Variants in GLDN observed in about 807,000 individuals in gnomAD.
GLDN encodes gliomedin.
GLDN carries 47 observed loss-of-function variants against 56.5 expected under a neutral mutation model. That is an observed-to-expected ratio of 0.83 (90% CI 0.66 to 1.06). The LOEUF is 1.06. GLDN is among the 50% of genes least tolerant of loss of function. The pLI, the probability that GLDN is intolerant of heterozygous loss-of-function variation, is 0.00. For missense variants in GLDN, 782 were observed against 714.3 expected (o/e 1.09, Z -1.08); for synonymous variants, 332 against 278.8 (o/e 1.19, Z -1.90).
At position 51,397,567 on chromosome 15, in the gene GLDN, G is replaced by T. The variant is rs2038161813; in HGVS notation, c.786G>T (p.Arg262=). 4 of 1,601,452 alleles carry T rather than the reference G, an allele frequency of 2.5e-6. No individual in the cohort carries two copies. The highest frequency in any genetic ancestry group is 2.2e-5 in the South Asian group (2 of 89,200). Residue 262 remains arginine, a synonymous_variant, in exon 6 of 10, where the codon CGG becomes CGT. Coordinates refer to ENST00000335449, the MANE Select transcript of GLDN (RefSeq NM_181789.4). ...PPGSRRAKGP[R]QPSMFNGQCP... Reference sequence around the variant, plus strand: ...GAAGCAGAAGAGCCAAAGGCCCTCGGCAGCCAAGCATGTTCAACGGCCAGT... The same window carrying T: ...GAAGCAGAAGAGCCAAAGGCCCTCGTCAGCCAAGCATGTTCAACGGCCAGT...
intron 4 of GLDN, among the ~76,000 whole-genome samples, chr15:51,393,164 C>A (rs924816082): frequency 1.3e-5 from 2 of 152,120 alleles, no homozygotes; most frequent in African/African-American, 4.8e-5. Flanking sequence ...TTTTCTATAT[C>A]ATTGAGATGA....
At chr15:51,361,698 G>A (rs1236264145) in intron 1 of GLDN, among the ~76,000 whole-genome samples, 1 of 152,178 alleles carries the variant, frequency 6.6e-6, no homozygotes, top group East Asian at 1.9e-4. Flanking sequence ...TTATGTTCTG[G>A]CAGGGAGGAG....
intron 2 of GLDN, among the ~76,000 whole-genome samples, chr15:51,381,343 C>T (rs1383122015): frequency 1.3e-5 from 2 of 152,122 alleles, no homozygotes; most frequent in Non-Finnish European, 2.9e-5. Context: ...TCTGTCGTCG[C>T]GAACGATGAT....
intron 5 of GLDN, among the ~76,000 whole-genome samples, chr15:51,396,025 G>A (rs1031682996): frequency 6.6e-6 from 1 of 152,134 alleles, no homozygotes; most frequent in Middle Eastern, 3.2e-3. Context: ...TGAGGGCTCT[G>A]CCTCCATGAT....
rs74016730 is a variant in GLDN, at chr15:51,363,786, C to T, written c.364-13663C>T. 3.2e-3 allele frequency among the ~76,000 whole-genome samples: 482 copies of T among 152,326 alleles called. 1 individual carries two copies. Among genetic ancestry groups the T allele is most frequent in the African/African-American group, 0.011 (457 of 41,578 alleles). On this transcript the variant is annotated intron_variant, in intron 1 of 9. Coordinates refer to ENST00000335449, the MANE Select transcript of GLDN (RefSeq NM_181789.4). ...TTGAAGAGCAGGTGGTTCATTTTAG[C>T]TTGAGCACGATACAGGTAGATGCAA...
rs1198282482 is a variant in GLDN, at chr15:51,407,148, C to T, written c.*2394C>T. 6.6e-6 allele frequency: 1 copy of T among 151,616 alleles called. No homozygotes were observed. Among genetic ancestry groups the T allele is most frequent in the African/African-American group, 2.4e-5 (1 of 41,238 alleles). 9.4% of individuals were successfully genotyped at this position (151,616 alleles called of 1,614,324 possible). ...ACCACTGGAGAAGCTTACACCGGGA[C>T]TTTTTTTCTTTTTTCTTTTTTTTTT... is the stretch of plus-strand genomic sequence containing the variant. On this transcript the variant is annotated 3_prime_UTR_variant, in exon 10 of 10. Transcript: ENST00000335449.
In GLDN at chr15:51,401,568, C is replaced by T. The variant is rs1194804759; in HGVS notation, c.1028-25C>T. 1.0e-5 allele frequency: 16 copies of T among 1,601,676 alleles called. No homozygotes were observed. The Admixed American group carries it at 2.7e-4, about 27-fold the overall frequency. ...TGTGATTGCTGGAGGTAGGTAACAGCCTCTCCCTGGCTTCCCTCCTACAGG... is the reference window on the plus strand; with the variant it reads ...TGTGATTGCTGGAGGTAGGTAACAGTCTCTCCCTGGCTTCCCTCCTACAGG... On this transcript the variant is annotated intron_variant, in intron 8 of 9. Coordinates refer to ENST00000335449, the MANE Select transcript of GLDN (RefSeq NM_181789.4).
At chr15:51,362,193 A>C (rs556352659) in intron 1 of GLDN, among the ~76,000 whole-genome samples, 1 of 152,282 alleles carries the variant, frequency 6.6e-6, no homozygotes, top group East Asian at 1.9e-4. Context: ...GTAATAACAA[A>C]GGAGGTCAGG....
chr15:51,376,716 T>G (rs947805173), intron 1 of GLDN, among the ~76,000 whole-genome samples: 1 of 152,196 alleles, frequency 6.6e-6, no homozygotes, highest in Non-Finnish European at 1.5e-5. Context: ...AAATTTGGTG[T>G]TTTTTGTTTG....
chr15:51,372,607 G>A (rs1252401778), intron 1 of GLDN, among the ~76,000 whole-genome samples: 2 of 152,068 alleles, frequency 1.3e-5, no homozygotes, highest in African/African-American at 4.8e-5. Flanking sequence ...TTTTTCCTGT[G>A]CTTCACCCAC....
At position 51,401,574 on chromosome 15, in the gene GLDN, C is replaced by T. The variant is rs765800956; in HGVS notation, c.1028-19C>T. The stretch of plus-strand genomic sequence containing the variant: ...TGCTGGAGGTAGGTAACAGCCTCTC[C>T]CTGGCTTCCCTCCTACAGGCATCAT... On this transcript the variant is annotated intron_variant, in intron 8 of 9. Transcript: ENST00000335449. The T allele has an allele frequency of 6.2e-7, 1 of 1,606,088 alleles. No homozygotes were observed. Among genetic ancestry groups the T allele is most frequent in the South Asian group, 1.1e-5 (1 of 89,254 alleles).
chr15:51,382,690 C>T (rs947060598), intron 2 of GLDN, among the ~76,000 whole-genome samples: 4 of 149,088 alleles, frequency 2.7e-5, no homozygotes, highest in Non-Finnish European at 5.9e-5. Flanking sequence ...GGTGCCACTG[C>T]ACTCCAGCCT....
chr15:51,363,771 G>C (rs886746110), intron 1 of GLDN, among the ~76,000 whole-genome samples: 7 of 152,234 alleles, frequency 4.6e-5, no homozygotes, highest in Admixed American at 2.0e-4. Flanking sequence ...TTGAAGAGCA[G>C]GTGGTTCATT....
intron 1 of GLDN, among the ~76,000 whole-genome samples, chr15:51,347,843 C>T (rs951027848): frequency 6.6e-6 from 1 of 152,100 alleles, no homozygotes; most frequent in Admixed American, 6.5e-5. Context: ...CACTGGAATA[C>T]TAAGTAGCTG....
Position 51,401,707 on chromosome 15 carries a change from T to G in GLDN, c.1142T>G (p.Leu381Arg). 6.2e-7 allele frequency: 1 copy of G among 1,614,186 alleles called. No homozygotes were observed. The highest frequency in any genetic ancestry group is 8.5e-7 in the Non-Finnish European group (1 of 1,179,990). The stretch of plus-strand genomic sequence containing the variant: ...GGGCACGTTGTTTACAACAACTCTC[T>G]CTACTACCACAAAGGGGGTTCTAAT... ...GCGHVVYNNS[L>R]YYHKGGSNTL... Residue 381 changes from leucine (L) to arginine (R), a missense_variant, in exon 9 of 10, where the codon CTC becomes CGC. Coordinates refer to ENST00000335449, the MANE Select transcript of GLDN (RefSeq NM_181789.4).
At chr15:51,388,922 G>A (rs1262355410) in intron 4 of GLDN, among the ~76,000 whole-genome samples, 1 of 152,350 alleles carries the variant, frequency 6.6e-6, no homozygotes, top group East Asian at 1.9e-4. Flanking sequence ...GGGAGGGCTG[G>A]GAGGGTTCCA....
chr15:51,397,874 C>T (rs112982237), intron 6 of GLDN, among the ~76,000 whole-genome samples: 4 of 152,230 alleles, frequency 2.6e-5, no homozygotes, highest in Non-Finnish European at 5.9e-5. Flanking sequence ...TTGCTCTGTC[C>T]GCCATCCCTC....
chr15:51,379,110 G>C (rs911154512), intron 2 of GLDN, among the ~76,000 whole-genome samples: 4 of 152,236 alleles, frequency 2.6e-5, no homozygotes, highest in African/African-American at 9.6e-5. Context: ...CGGCAGTCAG[G>C]ACAGATGCTA....
chr15:51,395,089 G>A, intron 5 of GLDN, 108 bp downstream of exon 5: 1 of 1,102,372 alleles, frequency 9.1e-7, no homozygotes, highest in Non-Finnish European at 1.2e-6. Flanking sequence ...ATGGCCTTAT[G>A]TGGCCATCTG....
Sources: allele counts gnomAD v4.1 joint callset (sites outside exome capture counted in the v4.1 genomes callset), GRCh38; gene constraint gnomAD v4.1.1; transcripts MANE v1.5; gene names NCBI Gene and HGNC (gene_info 2026-07-23, HGNC 2026-07-21).